PARVB: variants seen among roughly 807,000 people sequenced by gnomAD.
PARVB encodes parvin beta.
A neutral mutation model predicts 47.0 loss-of-function variants in PARVB; 46 were observed. That is an observed-to-expected ratio of 0.98 (90% CI 0.77 to 1.25). PARVB has a LOEUF of 1.25. PARVB is among the 50% of genes most tolerant of loss of function. The pLI is 0.00. For missense variants in PARVB, 473 were observed against 471.6 expected, an observed-to-expected ratio of 1.00 and a Z score of -0.03; for synonymous variants, 196 against 196.3, an observed-to-expected ratio of 1.00 and a Z score of 0.01.
intron 1 of PARVB, among the ~76,000 whole-genome samples, chr22:44,087,193 CT>C (rs1187212528): frequency 6.6e-6 from 1 of 152,204 alleles, no homozygotes; most frequent in Admixed American, 6.5e-5. Context: ...GGGGTTTTCT[CT>C]TTGATCCTGG....
At chr22:44,151,265 C>A (rs886111794) in intron 9 of PARVB, 30 of 512,972 alleles carry the variant, frequency 5.8e-5, no homozygotes, top group African/African-American at 5.6e-4. Context: ...GGTTGGTGAG[C>A]AGAGACGTGT....
chr22:44,001,929 G>T (rs906345457), intron 2 of PARVB, among the ~76,000 whole-genome samples: 2 of 152,232 alleles, frequency 1.3e-5, no homozygotes, highest in Non-Finnish European at 2.9e-5. Context: ...TAGGATGTTT[G>T]AACACAGGGT....
Position 44,103,775 on chromosome 22 carries a change from T to C in PARVB, c.273+3652T>C, listed in dbSNP as rs910520881. The C allele has an allele frequency of 2.6e-5, 4 of 152,214 alleles. No homozygotes were observed. Among genetic ancestry groups the C allele is most frequent in the Non-Finnish European group, 5.9e-5 (4 of 68,062 alleles). The allele number at this position is 152,214 out of a possible 1,614,324, so 9.4% of individuals were successfully genotyped here. On this transcript the variant is annotated intron_variant, in intron 3 of 12. Coordinates refer to ENST00000338758, the MANE Select transcript of PARVB (RefSeq NM_013327.5). The surrounding 1 kb of genome is among the most constrained non-coding windows in gnomAD (Gnocchi z 4.6). ...AGGTGGTAGCTTCTGGCTCTGAAGATGGAAGAAGGGGCCATGCACTAATGG... is the reference window on the plus strand; with the variant it reads ...AGGTGGTAGCTTCTGGCTCTGAAGACGGAAGAAGGGGCCATGCACTAATGG...
chr22:44,034,211 A>G (rs1329297594), intron 1 of PARVB, among the ~76,000 whole-genome samples: 1 of 150,098 alleles, frequency 6.7e-6, no homozygotes, highest in Non-Finnish European at 1.5e-5. Context: ...TAATTATATT[A>G]TAAAGAATAT....
chr22:44,102,849 TC>T (rs1237450543), intron 3 of PARVB: 1 of 152,086 alleles, frequency 6.6e-6, no homozygotes, highest in African/African-American at 2.4e-5. Flanking sequence ...AGACCCTGTC[TC>T]AAAAAAAAAG....
chr22:44,123,329 G>A lies in PARVB; in HGVS notation c.376+4189G>A, dbSNP rs576343604. On this transcript the variant is annotated intron_variant, in intron 4 of 12. Coordinates refer to ENST00000338758, the MANE Select transcript of PARVB (RefSeq NM_013327.5). Reference sequence around the variant, plus strand: ...GTGGTGGGGGTAACACGCTGATCGGGGAGGGTCCAGGGGCAGAGAACTGTG... The same window carrying A: ...GTGGTGGGGGTAACACGCTGATCGGAGAGGGTCCAGGGGCAGAGAACTGTG... 5.3e-5 allele frequency among the ~76,000 whole-genome samples: 8 copies of A among 152,294 alleles called. No homozygotes were observed. The South Asian group carries it at 1.5e-3, about 28-fold the overall frequency.
At chr22:44,069,528 T>C (rs1178387031) in intron 1 of PARVB, among the ~76,000 whole-genome samples, 2 of 151,784 alleles carry the variant, frequency 1.3e-5, no homozygotes, top group African/African-American at 4.9e-5. Context: ...TCTCTCTCTG[T>C]CTTTTTTTTT....
intron 1 of PARVB, among the ~76,000 whole-genome samples, chr22:44,069,323 G>A (rs1266420106): frequency 6.6e-6 from 1 of 152,178 alleles, no homozygotes; most frequent in Non-Finnish European, 1.5e-5. Flanking sequence ...GTGTTAGGAC[G>A]ATGGGCAAGG....
In PARVB at chr22:44,117,269, G is replaced by A. The variant is rs980823218; in HGVS notation, c.274-1769G>A. ...GGAGGGAGAAGGGGAGCTGTCCAGG[G>A]CCCTCAGGCATGCATCATGTAAGGG... On this transcript the variant is annotated intron_variant, in intron 3 of 12. Coordinates refer to ENST00000338758, the MANE Select transcript of PARVB (RefSeq NM_013327.5). 3.9e-5 allele frequency among the ~76,000 whole-genome samples: 6 copies of A among 152,144 alleles called. No individual in the cohort carries two copies. In the South Asian group the frequency reaches 6.2e-4, roughly 16 times the overall value.
chr22:44,157,811 C>T (rs1221615348), intron 10 of PARVB, among the ~76,000 whole-genome samples, 171 bp from the exon 11 acceptor site: 1 of 152,126 alleles, frequency 6.6e-6, no homozygotes. Flanking sequence ...GGAGGATCAC[C>T]TGAGCCTGGG....
intron 1 of PARVB, among the ~76,000 whole-genome samples, chr22:44,067,706 T>G (rs184679680): frequency 1.3e-5 from 2 of 152,364 alleles, no homozygotes; most frequent in African/African-American, 2.4e-5. Context: ...GCAGGAAAAC[T>G]GTTAAACCAA....
chr22:44,089,610 G>C lies in PARVB; in HGVS notation c.113-4318G>C, dbSNP rs2052115609. On this transcript the variant is annotated intron_variant, in intron 1 of 12. Coordinates refer to ENST00000338758, the MANE Select transcript of PARVB (RefSeq NM_013327.5). The surrounding 1 kb of genome is among the most constrained non-coding windows in gnomAD (Gnocchi z 4.0). The stretch of plus-strand genomic sequence containing the variant: ...AAGCCAGTAAACTGGCACCGTTCAG[G>C]TGGCGGGGGGGTCGGGGGAGGGGGG... The C allele has an allele frequency of 6.6e-6, 1 of 151,932 alleles. No individual in the cohort carries two copies. The highest frequency in any genetic ancestry group is 2.4e-5 in the African/African-American group (1 of 41,340). 9.4% of individuals were successfully genotyped at this position (151,932 alleles called of 1,614,324 possible). A position where few individuals can be genotyped will look rare whatever the true frequency, so the allele number is the denominator to read the frequency against.
intron 1 of PARVB, among the ~76,000 whole-genome samples, chr22:44,069,441 G>A (rs573660715): frequency 6.6e-6 from 1 of 152,228 alleles, no homozygotes; most frequent in East Asian, 1.9e-4. Context: ...CCAGAAGAAT[G>A]GGATTTGGAA....
chr22:44,082,735 C>T (rs2051934955), intron 1 of PARVB, among the ~76,000 whole-genome samples: 1 of 152,146 alleles, frequency 6.6e-6, no homozygotes, highest in African/African-American at 2.4e-5. Flanking sequence ...TTCCTGTTCT[C>T]CTTCCCACAA....
chr22:44,157,916 A>G, intron 10 of PARVB, 66 bp from the exon 11 acceptor site: 1 of 1,135,580 alleles, frequency 8.8e-7, no homozygotes. Flanking sequence ...TGCCCCCCTT[A>G]AGTTTGTGCA....
chr22:44,021,217 C>G (rs946767383), upstream of PARVB, among the ~76,000 whole-genome samples: 3 of 152,208 alleles, frequency 2.0e-5, no homozygotes, highest in African/African-American at 7.2e-5. Context: ...CAAGGCCTGT[C>G]TGTATAGCAT....
rs201439812 is a variant in PARVB at position 44,093,957 on chromosome 22, G to A, written c.142G>A (p.Ala48Thr). Residue 48 changes from alanine to threonine, a missense_variant, in exon 2 of 13, where the codon GCC (alanine) becomes ACC (threonine). By Grantham distance (58) the Ala-to-Thr change is moderately conservative. Transcript: ENST00000338758. The part of the protein sequence containing the change: ...VSDLQEEGKN[A>T]INSPMSPALV... ...TGACCTGCAGGAAGAAGGCAAGAAT[G>A]CCATCAACTCACCGATGTCCCCCGC... 2 of 1,613,814 alleles carry A rather than the reference G, an allele frequency of 1.2e-6. No homozygotes were observed. The highest frequency in any genetic ancestry group is 3.3e-4 in the Middle Eastern group (2 of 6,060).
intron 1 of PARVB, among the ~76,000 whole-genome samples, chr22:44,027,379 C>A (rs915737625): frequency 6.6e-6 from 1 of 152,258 alleles, no homozygotes; most frequent in Non-Finnish European, 1.5e-5. Flanking sequence ...CCGGCCCTGG[C>A]CAGTGTGGAA....
chr22:44,016,206 C>G (rs577893283), intron 2 of PARVB, among the ~76,000 whole-genome samples: 160 of 151,332 alleles, frequency 1.1e-3, no homozygotes, highest in African/African-American at 3.8e-3. Flanking sequence ...ACGCAATTCT[C>G]CTGCCTCAGC....
Sources: allele counts gnomAD v4.1 joint callset (sites outside exome capture counted in the v4.1 genomes callset), GRCh38; gene constraint gnomAD v4.1.1; non-coding constraint Gnocchi (gnomAD v3.1); transcripts MANE v1.5; gene names NCBI Gene and HGNC (gene_info 2026-07-23, HGNC 2026-07-21).